The following TCTN1 variants were observed in gnomAD, a reference collection of about 807,000 sequenced individuals.
TCTN1 encodes the protein tectonic-1.
Under a neutral mutation model 65.8 loss-of-function variants are expected in TCTN1, and 58 were observed. The observed-to-expected ratio is 0.88, with a 90% CI of 0.71 to 1.10. TCTN1 has a LOEUF of 1.10. Ranked by LOEUF, TCTN1 falls within the 50% of genes least tolerant of loss-of-function variation. TCTN1 has a pLI of 0.00. For synonymous variants in TCTN1, 273 were observed against 289.1 expected (o/e 0.94, Z 0.57); for missense variants, 645 against 719.4 (o/e 0.90, Z 1.18).
intron 7 of TCTN1, among the ~76,000 whole-genome samples, chr12:110,637,705 C>T (rs1443342784): frequency 6.6e-6 from 1 of 152,154 alleles, no homozygotes; most frequent in Non-Finnish European, 1.5e-5. Context: ...CCCAGGAATG[C>T]AGTGTGAAAG....
intron 7 of TCTN1, among the ~76,000 whole-genome samples, chr12:110,638,775 GCT>G (rs1296873979): frequency 2.0e-5 from 3 of 152,200 alleles, no homozygotes; most frequent in African/African-American, 7.2e-5. Context: ...GGCAGGCTAT[GCT>G]CTTTCTTGGA....
In TCTN1 at chr12:110,644,970, G is replaced by T; in HGVS notation, c.1335G>T (p.Leu445=). Residue 445 remains leucine (L), a synonymous_variant, in exon 12 of 15, where the codon CTG becomes CTT. Transcript: ENST00000397659. This position sits in a 1 kb window ranked among gnomAD's most constrained non-coding sequence, Gnocchi z 4.6. ...YTMQSGCKLR[L]TGALPCQLVA... is the part of the protein sequence containing the mutation. ...GACTTCTTTTTCCTTCACCAAGACT[G>T]ACTGGAGCTCTCCCGTGTCAGCTCG... 6.2e-7 allele frequency: 1 copy of T among 1,614,212 alleles called. No homozygotes were observed. Among genetic ancestry groups the T allele is most frequent in the South Asian group, 1.1e-5 (1 of 91,058 alleles).
chr12:110,646,165 C>T (rs889287729), intron 12 of TCTN1: 1 of 152,204 alleles, frequency 6.6e-6, no homozygotes, highest in African/African-American at 2.4e-5. Context: ...GGTTTTGTAC[C>T]AACTCTGCCG....
At position 110,649,298 on chromosome 12, in the gene TCTN1, G is replaced by T; in HGVS notation, c.*257G>T. The T allele has an allele frequency of 1.3e-6, 1 of 799,154 alleles. No individual in the cohort carries two copies. The highest frequency in any genetic ancestry group is 2.2e-6 in the Non-Finnish European group (1 of 463,242). The allele number at this position is 799,154 out of a possible 1,614,324, so 49.5% of individuals were successfully genotyped here. A position where few individuals can be genotyped will look rare whatever the true frequency, so the allele number is the denominator to read the frequency against. On this transcript the variant is annotated 3_prime_UTR_variant, in exon 15 of 15. Transcript: ENST00000397659. ...AATCCATGCTGGCAGGAGGGAGGCA[G>T]AGGTATCAAACCAAACCTCTCACCA... is the stretch of plus-strand genomic sequence containing the variant.
At chr12:110,647,531 C>A in intron 13 of TCTN1, 195 bp downstream of exon 13, 2 of 1,004,420 alleles carry the variant, frequency 2.0e-6, no homozygotes, top group Non-Finnish European at 2.9e-6. Flanking sequence ...CAGATTGGAT[C>A]TTTAAAATTC....
intron 10 of TCTN1, chr12:110,642,040 A>G (rs2066992965): frequency 3.2e-6 from 2 of 626,404 alleles, no homozygotes; most frequent in Non-Finnish European, 2.8e-6. Context: ...TCAAAGGGCC[A>G]GTTTCTGAGA....
chr12:110,641,206 A>G, intron 9 of TCTN1, 57 bp downstream of exon 9: 1 of 1,610,564 alleles, frequency 6.2e-7, no homozygotes, highest in Non-Finnish European at 8.5e-7. Flanking sequence ...AGAAATAATG[A>G]CTTCTCAGTG....
At chr12:110,636,290 G>A (rs774339186) in intron 6 of TCTN1, 191 bp from the exon 7 acceptor site, 7 of 523,810 alleles carry the variant, frequency 1.3e-5, no homozygotes, top group Middle Eastern at 2.9e-4. Flanking sequence ...AAAACGCAAT[G>A]TGACCTCTTT....
In TCTN1 at chr12:110,647,144, A is replaced by T. The variant is rs1017654223; in HGVS notation, c.1495-52A>T. ...AAACCTTTTATAATTAAAACTCTGA[A>T]CTGCAGATTAAGTCTGACTTGCAGT... On this transcript the variant is annotated intron_variant, in intron 12 of 14. Transcript: ENST00000397659. The T allele has an allele frequency of 3.7e-6, 6 of 1,608,296 alleles. No homozygotes were observed. In the Admixed American group the frequency reaches 6.7e-5, roughly 18 times the overall value.
Position 110,628,862 on chromosome 12 carries a change from G to C in TCTN1, c.568G>C (p.Glu190Gln). The C allele has an allele frequency of 7.4e-6, 12 of 1,613,632 alleles. No homozygotes were observed. The highest frequency in any genetic ancestry group is 1.0e-5 in the Non-Finnish European group (12 of 1,179,904). ...ATCTGATGGTTTTACATTGAATGCT[G>C]AATCATATGTTTCCTTCACAACCAA... ...KTSDGFTLNAESYVSFTTKLD... is the reference protein window; with the variant it reads ...KTSDGFTLNAQSYVSFTTKLD... Residue 190 changes from glutamate (E) to glutamine (Q), a missense_variant, in exon 4 of 15, where the codon GAA (glutamate) becomes CAA (glutamine). By Grantham distance (29) the Glu-to-Gln change is conservative. Coordinates refer to ENST00000397659, the MANE Select transcript of TCTN1 (RefSeq NM_001082538.3).
chr12:110,621,803 A>G (rs1266213532), intron 2 of TCTN1, among the ~76,000 whole-genome samples: 1 of 151,404 alleles, frequency 6.6e-6, no homozygotes, highest in African/African-American at 2.4e-5. Flanking sequence ...AACCATTAGT[A>G]CCTAGTAGAG....
chr12:110,628,341 CTTT>C (rs1220087506), intron 3 of TCTN1: 2,015 of 831,172 alleles, frequency 2.4e-3, no homozygotes, highest in Middle Eastern at 2.7e-3. Context: ...GAAAAATACA[CTTT>C]TTTTTTTTTT....
intron 3 of TCTN1, 58 bp from the exon 4 acceptor site, chr12:110,628,709 A>G: frequency 1.4e-6 from 2 of 1,416,920 alleles, no homozygotes; most frequent in Non-Finnish European, 1.9e-6. Flanking sequence ...TATATAGGTC[A>G]TACATATTAT....
intron 2 of TCTN1, among the ~76,000 whole-genome samples, chr12:110,622,418 C>T (rs898565302): frequency 1.3e-5 from 2 of 152,124 alleles, no homozygotes; most frequent in Non-Finnish European, 1.5e-5. Context: ...AAGAGCTTAC[C>T]GTCGAGTAAG....
intron 1 of TCTN1, 181 bp downstream of exon 1, chr12:110,614,583 A>G (rs946808262): frequency 7.8e-7 from 1 of 1,279,620 alleles, no homozygotes; most frequent in African/African-American, 1.5e-5. Context: ...TGTTACTATC[A>G]CTGTCAGGTA....
chr12:110,618,168 G>A (rs2065177714), intron 1 of TCTN1, among the ~76,000 whole-genome samples: 1 of 151,288 alleles, frequency 6.6e-6, no homozygotes, highest in Admixed American at 6.6e-5. Flanking sequence ...TGCCTTCTGG[G>A]TTGAAACGAT....
At chr12:110,636,218 G>A in intron 6 of TCTN1, 2 of 437,690 alleles carry the variant, frequency 4.6e-6, no homozygotes, top group Non-Finnish European at 8.4e-6. Flanking sequence ...TGACCCTGGA[G>A]CATGGAGCCT....
chr12:110,642,457 C>T, intron 11 of TCTN1, 68 bp downstream of exon 11: 1 of 1,610,030 alleles, frequency 6.2e-7, no homozygotes, highest in Non-Finnish European at 8.5e-7. Context: ...CACTTTTCCC[C>T]ATTTTAATCA....
intron 1 of TCTN1, among the ~76,000 whole-genome samples, chr12:110,617,196 G>C (rs1157387058): frequency 6.6e-6 from 1 of 152,144 alleles, no homozygotes; most frequent in Non-Finnish European, 1.5e-5. Flanking sequence ...TAGGCACATA[G>C]AAGAGTTCTC....
Sources: gnomAD v4.1 joint callset for allele counts (sites outside exome capture counted in the v4.1 genomes callset) on GRCh38, gnomAD v4.1.1 for gene constraint, Gnocchi (gnomAD v3.1) non-coding constraint, MANE v1.5 for transcripts, NCBI Gene and HGNC (gene_info 2026-07-23, HGNC 2026-07-21) for gene names.